Variants in ZDHHC21 observed in about 807,000 individuals in gnomAD.
The protein encoded by ZDHHC21 is zDHHC palmitoyltransferase 21.
Under a neutral mutation model 34.6 loss-of-function variants are expected in ZDHHC21, and 15 were observed. The ratio of observed to expected loss-of-function variants is 0.43; its 90% CI spans 0.29 to 0.67. The LOEUF (loss-of-function observed/expected upper bound fraction) is 0.67, where lower values mean the gene tolerates loss of function less well. Among genes scored for constraint, ZDHHC21 ranks in the 30% least tolerant of loss-of-function variants. The pLI is 0.14. For synonymous variants in ZDHHC21, 142 were observed against 101.8 expected, an observed-to-expected ratio of 1.40 and a Z score of -2.38; for missense variants, 344 against 327.7, an observed-to-expected ratio of 1.05 and a Z score of -0.38.
At chr9:14,609,456 T>C (rs1823130366), downstream of ZDHHC21, among the ~76,000 whole-genome samples, 1 of 152,068 alleles carries the variant, frequency 6.6e-6, no homozygotes, top group Non-Finnish European at 1.5e-5. Context: ...AACCTGTCAC[T>C]TCAAGGACAA....
chr9:14,629,971 G>A (rs188365584), intron 8 of ZDHHC21, among the ~76,000 whole-genome samples: 272 of 152,192 alleles, frequency 1.8e-3, no homozygotes, highest in African/African-American at 5.9e-3. Context: ...GCTTAAACCC[G>A]AGAGACAGAG....
rs561729558 is a variant in ZDHHC21 at position 14,655,439 on chromosome 9, G to T, written c.504+3310C>A. Among the ~76,000 whole-genome samples the T allele has an allele frequency of 2.0e-5, 3 of 151,844 alleles. No individual in the cohort carries two copies. The East Asian group carries it at 5.8e-4, about 29-fold the overall frequency. ...TAACTCAAAACAAATACTGACTATA[G>T]GTAACATATAACTTGTATAACAATA... is the stretch of plus-strand genomic sequence containing the variant. On this transcript the variant is annotated intron_variant, in intron 7 of 9. Coordinates refer to ENST00000380916, the MANE Select transcript of ZDHHC21 (RefSeq NM_178566.6).
At chr9:14,636,778 G>A (rs1022974611) in intron 8 of ZDHHC21, among the ~76,000 whole-genome samples, 4 of 152,006 alleles carry the variant, frequency 2.6e-5, no homozygotes, top group African/African-American at 9.7e-5. Context: ...ACAAATACAT[G>A]GAAATTAAGC....
At chr9:14,596,308 C>A in the ZDHHC21 span, among the ~76,000 whole-genome samples, 17 of 152,232 alleles carry the variant, frequency 1.1e-4, no homozygotes, top group Non-Finnish European at 1.8e-4. Context: ...GTAGCCACAG[C>A]ATCACTCTTC....
rs191993830 is a variant in ZDHHC21 at position 14,675,143 on chromosome 9, T to A, written c.-45-758A>T. On this transcript the variant is annotated intron_variant, in intron 3 of 9. Coordinates refer to ENST00000380916, the MANE Select transcript of ZDHHC21 (RefSeq NM_178566.6). ...ACTCCTGTTTAAATGAGGCTTTTTT[T>A]AGTTGAGTGTTAACAATATGCCAAC... Among the ~76,000 whole-genome samples, 130 of 152,060 alleles carry A rather than the reference T, an allele frequency of 8.5e-4. 1 individual carries two copies. The highest frequency in any genetic ancestry group is 3.0e-3 in the African/African-American group (125 of 41,526).
intron 3 of ZDHHC21, among the ~76,000 whole-genome samples, chr9:14,675,310 G>T (rs1186061080): frequency 6.6e-6 from 1 of 151,818 alleles, no homozygotes. Flanking sequence ...AGTCTAGGGG[G>T]TACCTTTTAC....
downstream of ZDHHC21, among the ~76,000 whole-genome samples, chr9:14,610,385 C>T (rs1470509097): frequency 2.0e-5 from 3 of 151,932 alleles, no homozygotes; most frequent in Non-Finnish European, 2.9e-5. Context: ...GGCAAACTTT[C>T]GGACAAACCT....
chr9:14,686,060 T>C (rs1404866846), intron 2 of ZDHHC21, among the ~76,000 whole-genome samples: 1 of 118,934 alleles, frequency 8.4e-6, no homozygotes, highest in African/African-American at 3.3e-5. Flanking sequence ...TGTCGTGGGG[T>C]GGGGGAGGGG....
At chr9:14,640,597 T>C (rs1224536962) in intron 7 of ZDHHC21, among the ~76,000 whole-genome samples, 1 of 152,064 alleles carries the variant, frequency 6.6e-6, no homozygotes, top group Non-Finnish European at 1.5e-5. Context: ...TTGCCAAGCA[T>C]TGTGTTACGT....
intron 7 of ZDHHC21, among the ~76,000 whole-genome samples, chr9:14,646,459 TG>T (rs1830294445): frequency 6.6e-6 from 1 of 152,070 alleles, no homozygotes; most frequent in African/African-American, 2.4e-5. Context: ...TAGTTATAAA[TG>T]GCCTATAAAA....
intron 2 of ZDHHC21, among the ~76,000 whole-genome samples, chr9:14,685,080 G>T (rs1217140832): frequency 6.6e-6 from 1 of 152,078 alleles, no homozygotes; most frequent in Non-Finnish European, 1.5e-5. Context: ...TTACATGTTA[G>T]ACCTAAAACC....
intron 3 of ZDHHC21, among the ~76,000 whole-genome samples, chr9:14,676,485 AAAT>A (rs1836403945): frequency 6.6e-6 from 1 of 151,982 alleles, no homozygotes; most frequent in African/African-American, 2.4e-5. Context: ...TAGTTCCTGC[AAAT>A]ATTGGGGCAG....
the ZDHHC21 span, among the ~76,000 whole-genome samples, chr9:14,599,552 G>A: frequency 6.8e-6 from 1 of 147,408 alleles, no homozygotes; most frequent in Non-Finnish European, 1.5e-5. Context: ...AGCTGCAGGA[G>A]TTTTTTTTTT....
chr9:14,650,326 G>C (rs1831011267), intron 7 of ZDHHC21, among the ~76,000 whole-genome samples: 1 of 151,746 alleles, frequency 6.6e-6, no homozygotes, highest in African/African-American at 2.4e-5. Flanking sequence ...GAACAAAAAA[G>C]CCAAATTACT....
At chr9:14,663,755 G>A (rs574170661) in intron 5 of ZDHHC21, among the ~76,000 whole-genome samples, 20 of 151,984 alleles carry the variant, frequency 1.3e-4, no homozygotes, top group Admixed American at 3.9e-4. Flanking sequence ...TCTTATACTT[G>A]AAATCTTATT....
At chr9:14,672,161 T>C (rs974534328) in intron 5 of ZDHHC21, among the ~76,000 whole-genome samples, 12 of 151,994 alleles carry the variant, frequency 7.9e-5, no homozygotes, top group South Asian at 4.1e-4. Flanking sequence ...AATAAAAAAA[T>C]AGTTAAAATC....
In ZDHHC21 at chr9:14,618,999, C is replaced by T; in HGVS notation, c.765G>A (p.Leu255=). 1 of 1,611,404 alleles carries T rather than the reference C, an allele frequency of 6.2e-7. No individual in the cohort carries two copies. The highest frequency in any genetic ancestry group is 8.5e-7 in the Non-Finnish European group (1 of 1,178,574). The part of the protein sequence containing the change: ...WFIPFRQRQP[L]RVPYHFANHV ...GATTGGCAAAGTGGTAGGGAACTCG[C>T]AGTGGTTGCCTCTGCCTGAAAGGAA... Residue 255 remains leucine (L), a synonymous_variant, in exon 10 of 10, where the codon CTG becomes CTA. Coordinates refer to ENST00000380916, the MANE Select transcript of ZDHHC21 (RefSeq NM_178566.6).
chr9:14,644,039 T>C (rs1587066671), intron 7 of ZDHHC21, among the ~76,000 whole-genome samples: 1 of 152,232 alleles, frequency 6.6e-6, no homozygotes, highest in African/African-American at 2.4e-5. Flanking sequence ...CACATACTCA[T>C]GCATACATTC....
At chr9:14,644,792 T>TTA (rs55875418) in intron 7 of ZDHHC21, among the ~76,000 whole-genome samples, 138,486 of 150,950 alleles carry the variant, frequency 0.92, 63,738 homozygotes, top group Non-Finnish European at 0.96. Flanking sequence ...TGGTGGGAGT[T>TTA]TATATATATA....
Sources: allele counts gnomAD v4.1 joint callset (sites outside exome capture counted in the v4.1 genomes callset), GRCh38; gene constraint gnomAD v4.1.1; transcripts MANE v1.5; gene names NCBI Gene and HGNC (gene_info 2026-07-23, HGNC 2026-07-21).